The following GTF2E2 variants were observed in gnomAD, a reference collection of about 807,000 sequenced individuals.
GTF2E2 encodes the protein general transcription factor IIE subunit 2.
GTF2E2 carries 21 observed loss-of-function variants against 40.5 expected under a neutral mutation model. That is an observed-to-expected ratio of 0.52 (90% CI 0.37 to 0.75). GTF2E2 has a LOEUF of 0.75. GTF2E2 is among the 30% of genes least tolerant of loss of function. The probability of loss-of-function intolerance (pLI) is 0.00; values close to 1 mark genes in which losing one functional copy is unlikely to be tolerated. For synonymous variants in GTF2E2, 117 were observed against 121.6 expected (o/e 0.96, Z 0.25); for missense variants, 298 against 338.4 (o/e 0.88, Z 0.94).
intron 6 of GTF2E2, among the ~76,000 whole-genome samples, chr8:30,586,604 A>AC (rs1828693172): frequency 1.3e-5 from 2 of 152,348 alleles, no homozygotes; most frequent in Admixed American, 1.3e-4. Flanking sequence ...AGCGAAACAA[A>AC]CAAAACTAGA....
At chr8:30,647,355 T>C (rs1586007608) in intron 2 of GTF2E2, among the ~76,000 whole-genome samples, 1 of 152,266 alleles carries the variant, frequency 6.6e-6, no homozygotes, top group East Asian at 1.9e-4. Flanking sequence ...CCGAGGCAGG[T>C]GGATCACCTG....
At chr8:30,590,791 A>G (rs953651433) in intron 6 of GTF2E2, among the ~76,000 whole-genome samples, 1 of 152,034 alleles carries the variant, frequency 6.6e-6, no homozygotes, top group African/African-American at 2.4e-5. Context: ...CCCAGGTTCA[A>G]GTGATCCTCC....
intron 6 of GTF2E2, among the ~76,000 whole-genome samples, chr8:30,588,331 C>G (rs775727422): frequency 6.6e-6 from 1 of 152,106 alleles, no homozygotes; most frequent in Non-Finnish European, 1.5e-5. Flanking sequence ...AAGTGTCTAT[C>G]AACAGATGAA....
intron 5 of GTF2E2, among the ~76,000 whole-genome samples, chr8:30,608,762 T>C (rs1356818202): frequency 6.6e-6 from 1 of 152,190 alleles, no homozygotes; most frequent in Non-Finnish European, 1.5e-5. Context: ...GGAGTTTGTT[T>C]GTTTTGAGAC....
At chr8:30,610,881 G>A (rs1350525390) in intron 5 of GTF2E2, among the ~76,000 whole-genome samples, 1 of 152,110 alleles carries the variant, frequency 6.6e-6, no homozygotes, top group Non-Finnish European at 1.5e-5. Context: ...AGAGTAAAAT[G>A]GCAACCTACA....
At chr8:30,628,067 C>G (rs1286338760) in intron 3 of GTF2E2, among the ~76,000 whole-genome samples, 3 of 152,126 alleles carry the variant, frequency 2.0e-5, no homozygotes, top group Non-Finnish European at 2.9e-5. Flanking sequence ...GGAAGGATAC[C>G]AGCAACTCTG....
Position 30,578,768 on chromosome 8 carries a change from T to C in GTF2E2, c.*153A>G. ...TGAGCCCATTCTACTCAAATAAGCT[T>C]TGAGTTTGGTAATTTGCACTTGTTT... On this transcript the variant is annotated 3_prime_UTR_variant, in exon 8 of 8. Coordinates refer to ENST00000355904, the MANE Select transcript of GTF2E2 (RefSeq NM_002095.6). The C allele has an allele frequency of 3.4e-6, 2 of 579,924 alleles. No individual in the cohort carries two copies. Among genetic ancestry groups the C allele is most frequent in the Non-Finnish European group, 6.3e-6 (2 of 318,890 alleles). 35.9% of individuals were successfully genotyped at this position (579,924 alleles called of 1,614,324 possible).
chr8:30,616,280 C>CA (rs1800915482), intron 3 of GTF2E2, among the ~76,000 whole-genome samples: 1 of 151,818 alleles, frequency 6.6e-6, no homozygotes, highest in East Asian at 1.9e-4. Flanking sequence ...TACTAAAATA[C>CA]AAAAAATTAG....
intron 6 of GTF2E2, among the ~76,000 whole-genome samples, chr8:30,581,738 G>A (rs569979482): frequency 5.9e-5 from 9 of 152,348 alleles, no homozygotes; most frequent in African/African-American, 2.2e-4. Context: ...ACAACTGTGT[G>A]CATGATTGTC....
intron 6 of GTF2E2, among the ~76,000 whole-genome samples, chr8:30,592,357 A>G (rs1477426137): frequency 6.6e-6 from 1 of 152,180 alleles, no homozygotes; most frequent in Non-Finnish European, 1.5e-5. Context: ...TCCAGCCTAT[A>G]CAGTGAGACT....
chr8:30,609,236 AG>A (rs1439397214), intron 5 of GTF2E2, among the ~76,000 whole-genome samples: 1 of 149,390 alleles, frequency 6.7e-6, no homozygotes, highest in Admixed American at 6.7e-5. Context: ...ACTGCACACC[AG>A]CCAGGGCAAC....
At chr8:30,645,641 T>A (rs777196014) in intron 2 of GTF2E2, 1 of 1,476,862 alleles carries the variant, frequency 6.8e-7, no homozygotes, top group Middle Eastern at 1.9e-4. Context: ...CAGCTCAACC[T>A]CTTCTGAGAA....
intron 3 of GTF2E2, among the ~76,000 whole-genome samples, chr8:30,623,897 G>A (rs2978274): frequency 6.6e-6 from 1 of 151,940 alleles, no homozygotes; most frequent in Non-Finnish European, 1.5e-5. Context: ...GTTCTTTGTA[G>A]ATTCTGGATA....
chr8:30,638,244 G>A (rs1045950599), intron 2 of GTF2E2, among the ~76,000 whole-genome samples: 1 of 152,188 alleles, frequency 6.6e-6, no homozygotes, highest in Non-Finnish European at 1.5e-5. Context: ...TATCAGGCTG[G>A]CAAACCTGGA....
intron 6 of GTF2E2, among the ~76,000 whole-genome samples, chr8:30,591,305 G>T (rs1247776809): frequency 2.0e-5 from 3 of 152,046 alleles, no homozygotes; most frequent in East Asian, 3.9e-4. Flanking sequence ...GGGCAACAGA[G>T]TAAGACCCTG....
intron 3 of GTF2E2, among the ~76,000 whole-genome samples, chr8:30,619,591 G>A (rs990734497): frequency 1.3e-5 from 2 of 151,516 alleles, no homozygotes; most frequent in African/African-American, 2.4e-5. Context: ...GTTTCACCAT[G>A]TTGGTCAGGC....
At chr8:30,651,567 C>T (rs999133796) in intron 2 of GTF2E2, among the ~76,000 whole-genome samples, 3 of 152,120 alleles carry the variant, frequency 2.0e-5, no homozygotes, top group African/African-American at 7.2e-5. Context: ...CCAGCCTGGG[C>T]AACAGAGCAA....
chr8:30,642,004 G>A (rs1389087019), intron 2 of GTF2E2, among the ~76,000 whole-genome samples: 1 of 152,190 alleles, frequency 6.6e-6, no homozygotes, highest in Non-Finnish European at 1.5e-5. Context: ...TGTGAATAAA[G>A]TATACAGTCT....
At chr8:30,636,156 A>G (rs188534904) in intron 2 of GTF2E2, among the ~76,000 whole-genome samples, 226 of 152,328 alleles carry the variant, frequency 1.5e-3, no homozygotes, top group Middle Eastern at 3.4e-3. Context: ...TAATGTCACC[A>G]CTGCATCACA....
Sources: gnomAD v4.1 joint callset for allele counts (sites outside exome capture counted in the v4.1 genomes callset) on GRCh38, gnomAD v4.1.1 for gene constraint, MANE v1.5 for transcripts, NCBI Gene and HGNC (gene_info 2026-07-23, HGNC 2026-07-21) for gene names.